PALLD: variants seen among roughly 807,000 people sequenced by gnomAD.
The protein encoded by PALLD is palladin.
PALLD carries 61 observed loss-of-function variants against 123.5 expected under a neutral mutation model. The ratio of observed to expected loss-of-function variants is 0.49; its 90% CI spans 0.40 to 0.61. The LOEUF is 0.61. Ranked by LOEUF, PALLD falls within the 20% of genes least tolerant of loss-of-function variation. The pLI, the probability that PALLD is intolerant of heterozygous loss-of-function variation, is 0.00. For missense variants in PALLD, 1,273 were observed against 1,377.0 expected, an observed-to-expected ratio of 0.92 and a Z score of 1.20; for synonymous variants, 465 against 496.4, an observed-to-expected ratio of 0.94 and a Z score of 0.84.
chr4:168,606,991 T>G (rs933863876), intron 2 of PALLD, among the ~76,000 whole-genome samples: 1 of 152,164 alleles, frequency 6.6e-6, no homozygotes, highest in African/African-American at 2.4e-5. Context: ...CCATTTTTCT[T>G]TAAGATGAGG....
chr4:168,688,229 A>T (rs948905944), intron 6 of PALLD, among the ~76,000 whole-genome samples: 1 of 152,196 alleles, frequency 6.6e-6, no homozygotes, highest in Non-Finnish European at 1.5e-5. Flanking sequence ...CTTAGGCATG[A>T]TGATGACAGT....
intron 10 of PALLD, among the ~76,000 whole-genome samples, chr4:168,787,247 A>G (rs542751864): frequency 6.6e-6 from 1 of 152,312 alleles, no homozygotes; most frequent in South Asian, 2.1e-4. Flanking sequence ...GGTAATCAGG[A>G]ATCCTAAGAT....
rs190444435 is a variant in PALLD at position 168,502,199 on chromosome 4, A to G, written c.-83+5005A>G. 3.1e-3 allele frequency among the ~76,000 whole-genome samples: 468 copies of G among 152,324 alleles called. 3 individuals carry two copies. Among genetic ancestry groups the G allele is most frequent in the African/African-American group, 0.011 (461 of 41,566 alleles). On this transcript the variant is annotated intron_variant, in intron 1 of 21. Transcript: ENST00000505667. The stretch of plus-strand genomic sequence containing the variant: ...ATAAATTTTTTTTTTAGCTAAAAAC[A>G]TCTGAATTTCTATGACTGGAAATTT...
At chr4:168,896,460 A>C (rs1755194521) in intron 12 of PALLD, 89 bp from the exon 13 acceptor site, 1 of 792,870 alleles carries the variant, frequency 1.3e-6, no homozygotes, top group South Asian at 1.5e-5. Flanking sequence ...TTGCTAGCAC[A>C]AAAGTTTCAC....
chr4:168,530,634 C>T (rs1764517466), intron 2 of PALLD: 1 of 152,220 alleles, frequency 6.6e-6, no homozygotes, highest in Non-Finnish European at 1.5e-5. Flanking sequence ...ACTGCACTGT[C>T]TCTTTGAGTT....
At chr4:168,606,984 T>C (rs923893860) in intron 2 of PALLD, among the ~76,000 whole-genome samples, 3 of 152,188 alleles carry the variant, frequency 2.0e-5, no homozygotes, top group African/African-American at 7.2e-5. Context: ...AGGCCGGCCA[T>C]TTTTCTTTAA....
intron 10 of PALLD, among the ~76,000 whole-genome samples, chr4:168,882,270 C>T (rs1201552857): frequency 2.0e-5 from 3 of 152,154 alleles, no homozygotes; most frequent in East Asian, 1.9e-4. Flanking sequence ...CATCGTTACT[C>T]AAGAGGTGAC....
chr4:168,822,243 A>C (rs1044692453), intron 10 of PALLD, among the ~76,000 whole-genome samples: 1 of 138,682 alleles, frequency 7.2e-6, no homozygotes, highest in Non-Finnish European at 1.6e-5. Flanking sequence ...TTTACATACT[A>C]GAGCTTTTGT....
At chr4:168,706,052 A>C (rs1030844496) in intron 8 of PALLD, among the ~76,000 whole-genome samples, 3 of 152,192 alleles carry the variant, frequency 2.0e-5, no homozygotes, top group African/African-American at 7.2e-5. Context: ...TAAATTTTTA[A>C]GTATACACTA....
chr4:168,554,764 A>G (rs1767098029), intron 2 of PALLD, among the ~76,000 whole-genome samples: 1 of 152,216 alleles, frequency 6.6e-6, no homozygotes, highest in East Asian at 1.9e-4. Context: ...AGAATCTACC[A>G]GAATTTAATT....
At chr4:168,902,213 G>T (rs747447537) in intron 14 of PALLD, among the ~76,000 whole-genome samples, 12 of 152,180 alleles carry the variant, frequency 7.9e-5, no homozygotes, top group Non-Finnish European at 1.8e-4. Context: ...TTATATTAAG[G>T]AAGAAGTTTG....
chr4:168,717,219 C>T (rs1316297565), intron 10 of PALLD, among the ~76,000 whole-genome samples: 5 of 152,054 alleles, frequency 3.3e-5, no homozygotes. Context: ...CAGGGCCTGA[C>T]AAATAGTAGA....
At chr4:168,736,547 G>T (rs571119061) in intron 10 of PALLD, among the ~76,000 whole-genome samples, 1 of 152,222 alleles carries the variant, frequency 6.6e-6, no homozygotes, top group South Asian at 2.1e-4. Context: ...ACGGTGTCTC[G>T]GGTCAATTTT....
chr4:168,511,810 C>T lies in PALLD; in HGVS notation c.306C>T (p.Val102=), dbSNP rs147615291. Residue 102 remains valine (V), a synonymous_variant, in exon 2 of 22, where the codon GTC becomes GTT. Coordinates refer to ENST00000505667, the MANE Select transcript of PALLD (RefSeq NM_001166108.2). ...RRPQDNRSTP[V]QPLAEKQTKS... ...CTCAGGATAACAGGTCAACACCTGT[C>T]CAGCCTCTGGCAGAGAAACAAACTA... 2 of 1,614,018 alleles carry T rather than the reference C, an allele frequency of 1.2e-6. No individual in the cohort carries two copies. Among genetic ancestry groups the T allele is most frequent in the Non-Finnish European group, 1.7e-6 (2 of 1,180,004 alleles).
intron 10 of PALLD, among the ~76,000 whole-genome samples, chr4:168,806,862 A>ATG (rs1491572474): frequency 2.0e-5 from 3 of 152,230 alleles, no homozygotes; most frequent in Admixed American, 6.5e-5. Context: ...ATGTATAGAG[A>ATG]TGTGTGTGTA....
chr4:168,577,214 TTGAATGCTCAGCAGTGTA>T (rs1274744644), intron 2 of PALLD, among the ~76,000 whole-genome samples: 1 of 152,108 alleles, frequency 6.6e-6, no homozygotes, highest in Non-Finnish European at 1.5e-5. Flanking sequence ...TGAACACAGT[TTGAATGCTCAGCAGTGTA>T]TGAGTGGTTG....
chr4:168,746,295 G>A lies in PALLD; in HGVS notation c.1964+34372G>A, dbSNP rs368167018. On this transcript the variant is annotated intron_variant, in intron 10 of 21. Transcript: ENST00000505667. ...ACTCAGGAGGCTGAGGCAGGAGAAT[G>A]GCGTGAACCCGGGAGGCGGAGCTGG... 3.7e-4 allele frequency among the ~76,000 whole-genome samples: 55 copies of A among 148,624 alleles called. 3 individuals are homozygous for A. The East Asian group carries it at 4.9e-3, about 13-fold the overall frequency.
intron 3 of PALLD, among the ~76,000 whole-genome samples, chr4:168,674,100 A>G (rs1780591984): frequency 1.3e-5 from 2 of 152,134 alleles, no homozygotes; most frequent in African/African-American, 4.8e-5. Context: ...TTTTTAGTAA[A>G]GATGGGGTTT....
At chr4:168,765,770 G>T (rs1733578469) in intron 10 of PALLD, among the ~76,000 whole-genome samples, 1 of 152,170 alleles carries the variant, frequency 6.6e-6, no homozygotes, top group African/African-American at 2.4e-5. Flanking sequence ...GTAGATTCAG[G>T]ATCTGGATAT....
Sources: gnomAD v4.1 joint callset for allele counts (sites outside exome capture counted in the v4.1 genomes callset) on GRCh38, gnomAD v4.1.1 for gene constraint, MANE v1.5 for transcripts, NCBI Gene and HGNC (gene_info 2026-07-23, HGNC 2026-07-21) for gene names.